The following DOCK5 variants were observed in gnomAD, a reference collection of about 807,000 sequenced individuals.
DOCK5 encodes the protein dedicator of cytokinesis protein 5.
Under a neutral mutation model 251.8 loss-of-function variants are expected in DOCK5, and 142 were observed. The observed-to-expected ratio is 0.56, with a 90% confidence interval of 0.49 to 0.65. The LOEUF is 0.65. Among genes scored for constraint, DOCK5 ranks in the 30% least tolerant of loss-of-function variants. DOCK5 has a pLI of 0.00. For synonymous variants in DOCK5, 842 were observed against 835.5 expected (o/e 1.01, Z -0.13); for missense variants, 2,111 against 2,312.3 (o/e 0.91, Z 1.79).
In DOCK5 at chr8:25,222,497, T is replaced by C. The variant is rs568810085; in HGVS notation, c.44-21177T>C. Among the ~76,000 whole-genome samples, 265 of 152,306 alleles carry C rather than the reference T, an allele frequency of 1.7e-3. 1 individual carries two copies. The highest frequency in any genetic ancestry group is 6.1e-3 in the African/African-American group (253 of 41,564). The stretch of plus-strand genomic sequence containing the variant: ...AGCCGTTGAGTAAAAGCGTGTGATA[T>C]GCCCCGTCTCTAGCTGTTTCACAGG... On this transcript the variant is annotated intron_variant, in intron 1 of 51. Transcript: ENST00000276440.
chr8:25,301,453 A>G (rs1804760901), intron 9 of DOCK5, among the ~76,000 whole-genome samples: 2 of 152,230 alleles, frequency 1.3e-5, no homozygotes, highest in African/African-American at 2.4e-5. Context: ...TGCTTCAGTA[A>G]AGAGAGCTTG....
At chr8:25,333,264 G>A (rs1217818300) in intron 20 of DOCK5, among the ~76,000 whole-genome samples, 1 of 152,232 alleles carries the variant, frequency 6.6e-6, no homozygotes, top group African/African-American at 2.4e-5. Flanking sequence ...TTTCACCTTG[G>A]TGGGGTGAAA....
chr8:25,379,968 G>A (rs1426698907), intron 38 of DOCK5, among the ~76,000 whole-genome samples: 1 of 152,048 alleles, frequency 6.6e-6, no homozygotes, highest in East Asian at 1.9e-4. Flanking sequence ...TCCGAACCTG[G>A]GCTGGCAGAG....
At chr8:25,274,648 T>C (rs1260725540) in intron 3 of DOCK5, among the ~76,000 whole-genome samples, 1 of 152,204 alleles carries the variant, frequency 6.6e-6, no homozygotes, top group East Asian at 1.9e-4. Context: ...AGTTTGACAC[T>C]GTGAGGTGCT....
chr8:25,348,872 C>T (rs185854822), intron 26 of DOCK5, among the ~76,000 whole-genome samples: 37 of 152,068 alleles, frequency 2.4e-4, no homozygotes, highest in Admixed American at 5.9e-4. Flanking sequence ...ACCACTCACC[C>T]GCACCCCCAC....
chr8:25,400,124 C>A, intron 46 of DOCK5, 130 bp downstream of exon 46: 2 of 694,872 alleles, frequency 2.9e-6, no homozygotes, highest in South Asian at 1.9e-5. Flanking sequence ...GTGAAAGCAC[C>A]ACCTATCTAT....
At chr8:25,406,816 C>T (rs1031546604) in intron 48 of DOCK5, among the ~76,000 whole-genome samples, 7 of 151,910 alleles carry the variant, frequency 4.6e-5, no homozygotes, top group South Asian at 2.1e-4. Context: ...TTAGTAGAGA[C>T]GAGGTTTCAC....
chr8:25,336,160 T>TCC, intron 21 of DOCK5, 79 bp from the exon 22 acceptor site: 1 of 1,474,106 alleles, frequency 6.8e-7, no homozygotes. Flanking sequence ...GATGCCATGT[T>TCC]CCCCTCTTAG....
At chr8:25,356,456 A>G (rs993971467) in intron 27 of DOCK5, among the ~76,000 whole-genome samples, 3 of 152,140 alleles carry the variant, frequency 2.0e-5, no homozygotes, top group East Asian at 1.9e-4. Flanking sequence ...GCTTGATCCC[A>G]GGAGTTGGAG....
chr8:25,388,983 G>T lies in DOCK5; in HGVS notation c.4132-108G>T, dbSNP rs190484108. ...ATTTTCAGTGAGAACTTGATGGTGG[G>T]GATTGAACGTTGGCTGGGGAGTGCA... On this transcript the variant is annotated intron_variant, in intron 40 of 51. Transcript: ENST00000276440. The T allele has an allele frequency of 7.2e-5, 72 of 1,001,872 alleles. 1 individual carries two copies. The Admixed American group carries it at 1.2e-3, about 17-fold the overall frequency. 62.1% of individuals were successfully genotyped at this position (1,001,872 alleles called of 1,614,324 possible).
At chr8:25,293,413 T>A (rs1401519307) in intron 6 of DOCK5, among the ~76,000 whole-genome samples, 1 of 152,240 alleles carries the variant, frequency 6.6e-6, no homozygotes, top group East Asian at 1.9e-4. Flanking sequence ...ACACCTTCTA[T>A]GTACATTTCA....
At chr8:25,236,667 G>A (rs1465078252) in intron 1 of DOCK5, among the ~76,000 whole-genome samples, 2 of 151,952 alleles carry the variant, frequency 1.3e-5, no homozygotes, top group African/African-American at 4.8e-5. Context: ...TGCAGCCTCC[G>A]CCTCCCAGGT....
chr8:25,369,964 T>G (rs1800844850), intron 34 of DOCK5, among the ~76,000 whole-genome samples: 1 of 152,254 alleles, frequency 6.6e-6, no homozygotes, highest in Non-Finnish European at 1.5e-5. Flanking sequence ...CACTTCTAAT[T>G]ATAACTGCAA....
intron 45 of DOCK5, chr8:25,395,952 A>C: frequency 1.7e-4 from 101 of 598,112 alleles, no homozygotes; most frequent in East Asian, 4.8e-4. Context: ...AAAAACCAAC[A>C]TGCCTCTGGT....
chr8:25,403,696 A>C lies in DOCK5; in HGVS notation c.5065A>C (p.Asn1689His), dbSNP rs780470454. ...VVSTSSNSSDNAPSRPGSDGS... is the reference protein window; with the variant it reads ...VVSTSSNSSDHAPSRPGSDGS... ...TTCCACCTCTTCAAACTCGTCTGACAATGCTCCTTCCAGACCGGGATCTGA... is the reference window on the plus strand; with the variant it reads ...TTCCACCTCTTCAAACTCGTCTGACCATGCTCCTTCCAGACCGGGATCTGA... Residue 1689 changes from asparagine (N) to histidine (H), a missense_variant, in exon 48 of 52, where the codon AAT becomes CAT. This residue lies in a region of DOCK5 where 1,717 missense variants were observed against 1,892.4 expected (regional missense o/e 0.91). Transcript: ENST00000276440. 1.1e-5 allele frequency: 18 copies of C among 1,613,920 alleles called. No homozygotes were observed. Among genetic ancestry groups the C allele is most frequent in the Non-Finnish European group, 1.4e-5 (17 of 1,179,854 alleles).
chr8:25,226,906 C>T (rs371559056), intron 1 of DOCK5, among the ~76,000 whole-genome samples: 3 of 152,286 alleles, frequency 2.0e-5, no homozygotes, highest in East Asian at 3.9e-4. Context: ...TAAATCCATA[C>T]CATGGACATC....
chr8:25,384,985 C>G (rs911765042), intron 40 of DOCK5, among the ~76,000 whole-genome samples: 2 of 152,168 alleles, frequency 1.3e-5, no homozygotes, highest in Non-Finnish European at 2.9e-5. Flanking sequence ...TCTGTTTCAG[C>G]TGCAACCTGA....
intron 8 of DOCK5, 46 bp from the exon 9 acceptor site, chr8:25,300,530 C>T: frequency 6.5e-7 from 1 of 1,543,078 alleles, no homozygotes; most frequent in Admixed American, 1.9e-5. Context: ...TCATCTCCAA[C>T]CCCAGTTAGC....
chr8:25,191,877 C>T (rs1351397700), intron 1 of DOCK5, among the ~76,000 whole-genome samples: 3 of 151,606 alleles, frequency 2.0e-5, no homozygotes, highest in Non-Finnish European at 4.4e-5. Context: ...ATTAACTCGT[C>T]ATTTACATTA....
Sources: gnomAD v4.1 joint callset for allele counts (sites outside exome capture counted in the v4.1 genomes callset) on GRCh38, gnomAD v4.1.1 for gene constraint, gnomAD v4.1.1 regional missense constraint, MANE v1.5 for transcripts, NCBI Gene and HGNC (gene_info 2026-07-23, HGNC 2026-07-21) for gene names.